Variants in TCAF1 observed in about 807,000 individuals in gnomAD.
TCAF1 encodes the protein TRPM8 channel-associated factor 1.
A neutral mutation model predicts 27.3 loss-of-function variants in TCAF1; 4 were observed. That is an observed-to-expected ratio of 0.15 (90% CI 0.07 to 0.34). The LOEUF is 0.34. Among genes scored for constraint, TCAF1 ranks in the 10% least tolerant of loss-of-function variants. The probability of loss-of-function intolerance (pLI) is 1.00; values close to 1 mark genes in which losing one functional copy is unlikely to be tolerated. For missense variants in TCAF1, 257 were observed against 425.8 expected, an observed-to-expected ratio of 0.60 and a Z score of 3.49; for synonymous variants, 105 against 167.1, an observed-to-expected ratio of 0.63 and a Z score of 2.87.
intron 1 of TCAF1, among the ~76,000 whole-genome samples, chr7:143,897,131 A>AATAT (rs5888117): frequency 0.027 from 2,138 of 79,806 alleles, 36 homozygotes; most frequent in Middle Eastern, 0.058. Flanking sequence ...GTTAATCTTG[A>AATAT]ATATATATAT....
intron 1 of TCAF1, chr7:143,882,883 G>A (rs1369830519): frequency 4.1e-6 from 4 of 985,374 alleles, no homozygotes; most frequent in Non-Finnish European, 4.8e-6. Flanking sequence ...AGCTGGAGGA[G>A]AGGAGGGGTT....
At chr7:143,859,331 TCTC>T (rs1811740725) in intron 6 of TCAF1, among the ~76,000 whole-genome samples, 170 bp from the exon 7 acceptor site, 1 of 135,510 alleles carries the variant, frequency 7.4e-6, no homozygotes, top group Non-Finnish European at 1.6e-5. Context: ...AGGTGTTCCT[TCTC>T]CTCTTTTCAT....
intron 1 of TCAF1, among the ~76,000 whole-genome samples, chr7:143,883,494 C>CCTTTTT (rs1562967139): frequency 1.9e-5 from 2 of 105,214 alleles, no homozygotes; most frequent in African/African-American, 9.7e-5. Flanking sequence ...TCTTTCTTTC[C>CCTTTTT]TTTTTCTTTT....
intron 1 of TCAF1, chr7:143,882,753 T>C (rs1246128581): frequency 1.4e-5 from 14 of 985,694 alleles, no homozygotes; most frequent in Non-Finnish European, 1.7e-5. Context: ...CCCTGCGATT[T>C]CCACGGGGGC....
intron 1 of TCAF1, among the ~76,000 whole-genome samples, chr7:143,888,225 G>C (rs999653963): frequency 6.6e-6 from 1 of 152,136 alleles, no homozygotes; most frequent in African/African-American, 2.4e-5. Context: ...GAAATGATAG[G>C]AAAGTAGAGA....
intron 1 of TCAF1, chr7:143,885,449 G>A (rs959061368): frequency 2.0e-6 from 2 of 985,346 alleles, no homozygotes; most frequent in Non-Finnish European, 2.4e-6. Flanking sequence ...GGACCGCAGA[G>A]GCCCGGCTTT....
chr7:143,884,399 T>C (rs1025040141), intron 1 of TCAF1, among the ~76,000 whole-genome samples: 17 of 152,192 alleles, frequency 1.1e-4, no homozygotes, highest in African/African-American at 4.1e-4. Context: ...GAACCTGAAT[T>C]CAAGATTCTG....
intron 1 of TCAF1, 72 bp from the exon 2 acceptor site, chr7:143,876,694 T>G (rs1812737741): frequency 1.6e-6 from 2 of 1,224,118 alleles, no homozygotes; most frequent in Non-Finnish European, 1.1e-6. Flanking sequence ...AGCAGTTCAC[T>G]CTTCCAGTAG....
At chr7:143,898,217 A>G (rs1000093960) in intron 1 of TCAF1, among the ~76,000 whole-genome samples, 2 of 152,190 alleles carry the variant, frequency 1.3e-5, no homozygotes, top group Non-Finnish European at 2.9e-5. Flanking sequence ...GAAGACATTT[A>G]CAAAGTAACT....
chr7:143,877,953 C>A (rs888230580), intron 1 of TCAF1, among the ~76,000 whole-genome samples: 1 of 152,194 alleles, frequency 6.6e-6, no homozygotes, highest in Non-Finnish European at 1.5e-5. Flanking sequence ...TGCTCACTCC[C>A]AACATAATAC....
intron 1 of TCAF1, chr7:143,885,454 G>A (rs926841314): frequency 3.0e-6 from 3 of 985,272 alleles, no homozygotes; most frequent in Non-Finnish European, 3.6e-6. Context: ...GCAGAGGCCC[G>A]GCTTTGTGTC....
intron 1 of TCAF1, among the ~76,000 whole-genome samples, chr7:143,889,844 C>T (rs879129855): frequency 3.9e-5 from 6 of 152,206 alleles, no homozygotes; most frequent in Admixed American, 2.6e-4. Context: ...TCCTCCTCCA[C>T]GATGGCAATG....
chr7:143,892,776 A>G (rs1349546704), intron 1 of TCAF1, among the ~76,000 whole-genome samples: 1 of 152,146 alleles, frequency 6.6e-6, no homozygotes, highest in Non-Finnish European at 1.5e-5. Flanking sequence ...AACACTCATA[A>G]TGGGATTAGT....
chr7:143,901,912 G>A (rs940765343), intron 1 of TCAF1, 49 bp downstream of exon 1: 1 of 152,188 alleles, frequency 6.6e-6, no homozygotes, highest in Non-Finnish European at 1.5e-5. Flanking sequence ...GCCCTCCCCA[G>A]ACGCTAAACG....
At position 143,891,404 on chromosome 7, in the gene TCAF1, G is replaced by T. The variant is rs1404943537; in HGVS notation, c.-15+10557C>A. ...TTAAGAAATTAGAAACAAGGCTGTG[G>T]AATTTCAGCATAGAAATAAAACTCA... On this transcript the variant is annotated intron_variant, in intron 1 of 8. Coordinates refer to ENST00000479870, the MANE Select transcript of TCAF1 (RefSeq NM_014719.3). 3.3e-5 allele frequency among the ~76,000 whole-genome samples: 5 copies of T among 151,706 alleles called. No individual in the cohort carries two copies. In the East Asian group the frequency reaches 9.6e-4, roughly 29 times the overall value.
At chr7:143,889,299 C>T (rs1014541952) in intron 1 of TCAF1, among the ~76,000 whole-genome samples, 8 of 152,068 alleles carry the variant, frequency 5.3e-5, no homozygotes, top group African/African-American at 1.7e-4. Context: ...GACACCAATC[C>T]TCAGATCCAG....
At chr7:143,880,153 T>C (rs1401821438) in intron 1 of TCAF1, among the ~76,000 whole-genome samples, 2 of 152,248 alleles carry the variant, frequency 1.3e-5, no homozygotes, top group African/African-American at 4.8e-5. Flanking sequence ...ACACAATGCT[T>C]ACCAGGTTCC....
rs1813661768 is a variant in TCAF1, at chr7:143,892,082, G to A, written c.-15+9879C>T. Among the ~76,000 whole-genome samples the A allele has an allele frequency of 2.6e-5, 4 of 152,190 alleles. No homozygotes were observed. The East Asian group carries it at 7.7e-4, about 29-fold the overall frequency. On this transcript the variant is annotated intron_variant, in intron 1 of 8. Transcript: ENST00000479870. Reference sequence around the variant, plus strand: ...CTAAAGCTGAAAGCATTTTCCACTAGAATATAACTACTAAAACTAATTTTT... The same window carrying A: ...CTAAAGCTGAAAGCATTTTCCACTAAAATATAACTACTAAAACTAATTTTT...
chr7:143,890,254 G>A (rs189832927), intron 1 of TCAF1, among the ~76,000 whole-genome samples: 310 of 151,096 alleles, frequency 2.1e-3, no homozygotes, highest in African/African-American at 7.1e-3. Flanking sequence ...CGCCCGCCTC[G>A]GCCTCCCAAA....
Sources: allele counts gnomAD v4.1 joint callset (sites outside exome capture counted in the v4.1 genomes callset), GRCh38; gene constraint gnomAD v4.1.1; transcripts MANE v1.5; gene names NCBI Gene and HGNC (gene_info 2026-07-23, HGNC 2026-07-21).